The following CABIN1 variants were observed in gnomAD, a reference collection of about 807,000 sequenced individuals.
CABIN1 encodes the protein calcineurin-binding protein cabin-1.
Under a neutral mutation model 227.7 loss-of-function variants are expected in CABIN1, and 133 were observed. The observed-to-expected ratio is 0.58, with a 90% CI of 0.51 to 0.67. CABIN1 has a LOEUF of 0.67. Ranked by LOEUF, CABIN1 falls within the 30% of genes least tolerant of loss-of-function variation. CABIN1 has a pLI of 0.00. For missense variants in CABIN1, 2,408 were observed against 2,852.5 expected, an observed-to-expected ratio of 0.84 and a Z score of 3.55; for synonymous variants, 1,086 against 1,155.1, an observed-to-expected ratio of 0.94 and a Z score of 1.21.
At chr22:24,030,949 A>G (rs932585102) in intron 1 of CABIN1, among the ~76,000 whole-genome samples, 1 of 152,212 alleles carries the variant, frequency 6.6e-6, no homozygotes, top group African/African-American at 2.4e-5. Flanking sequence ...CACACCTGGC[A>G]CCATTCTGGT....
chr22:24,158,128 G>A (rs1421719396), intron 29 of CABIN1, among the ~76,000 whole-genome samples: 2 of 152,240 alleles, frequency 1.3e-5, no homozygotes, highest in African/African-American at 4.8e-5. Context: ...TGCTCACAGT[G>A]TCGTGTTTTC....
intron 34 of CABIN1, among the ~76,000 whole-genome samples, chr22:24,172,904 C>T (rs1259892632): frequency 6.6e-6 from 1 of 152,202 alleles, no homozygotes; most frequent in Non-Finnish European, 1.5e-5. Flanking sequence ...GTTCCCAGGA[C>T]TCTAGGACCA....
At chr22:24,063,192 G>T (rs2039323603) in intron 14 of CABIN1, 46 bp downstream of exon 14, 1 of 1,587,254 alleles carries the variant, frequency 6.3e-7, no homozygotes, top group African/African-American at 1.3e-5. Context: ...CTGACACCCA[G>T]CAGGGTGGGC....
At chr22:24,041,750 A>G (rs186049151) in intron 5 of CABIN1, among the ~76,000 whole-genome samples, 10 of 152,338 alleles carry the variant, frequency 6.6e-5, no homozygotes, top group African/African-American at 1.9e-4. Flanking sequence ...GGGCACCTCT[A>G]AAGCACCAGA....
intron 1 of CABIN1, among the ~76,000 whole-genome samples, chr22:24,016,992 G>C (rs1252649518): frequency 6.8e-6 from 1 of 146,154 alleles, no homozygotes; most frequent in East Asian, 2.0e-4. Context: ...CTGTTCTTTA[G>C]CTTTTTAAAA....
chr22:24,059,262 C>T lies in CABIN1; in HGVS notation c.1298C>T (p.Ser433Phe), dbSNP rs1489114989. The T allele has an allele frequency of 2.5e-6, 4 of 1,614,036 alleles. No individual in the cohort carries two copies. The highest frequency in any genetic ancestry group is 2.2e-5 in the East Asian group (1 of 44,900). ...RKLDPEEEDD[S>F]FNNYEVQSEA... The stretch of plus-strand genomic sequence containing the variant: ...CTGGACCCTGAGGAGGAAGATGATT[C>T]CTTTAATAACTATGAAGTCCAGTCA... Residue 433 changes from serine (S) to phenylalanine (F), a missense_variant, in exon 11 of 37, where the codon TCC becomes TTC. By Grantham distance (155) the Ser-to-Phe change is radical. This residue lies in a region of CABIN1 where 1,045 missense variants were observed against 1,168.4 expected (regional missense o/e 0.89). Coordinates refer to ENST00000263119, the MANE Select transcript of CABIN1 (RefSeq NM_012295.4).
intron 28 of CABIN1, among the ~76,000 whole-genome samples, chr22:24,123,936 GC>G (rs1320337273): frequency 6.6e-6 from 1 of 152,246 alleles, no homozygotes; most frequent in Non-Finnish European, 1.5e-5. Context: ...CCTGCCTGGA[GC>G]TGTGTGGTTG....
At chr22:24,139,258 G>C (rs2044600634) in intron 29 of CABIN1, among the ~76,000 whole-genome samples, 1 of 152,212 alleles carries the variant, frequency 6.6e-6, no homozygotes. Context: ...TACAAAAACA[G>C]ATGTGTCGTG....
chr22:24,127,548 A>T (rs1255393734), intron 28 of CABIN1, among the ~76,000 whole-genome samples: 1 of 152,226 alleles, frequency 6.6e-6, no homozygotes, highest in Non-Finnish European at 1.5e-5. Flanking sequence ...TGGGAAACCT[A>T]GAGGACATAA....
At chr22:24,071,702 C>T (rs561292185) in intron 17 of CABIN1, among the ~76,000 whole-genome samples, 1 of 152,332 alleles carries the variant, frequency 6.6e-6, no homozygotes, top group Admixed American at 6.5e-5. Context: ...CTTTCCAAAA[C>T]AGATATGAAT....
intron 25 of CABIN1, among the ~76,000 whole-genome samples, chr22:24,096,415 A>C (rs528730574): frequency 2.6e-5 from 4 of 152,288 alleles, no homozygotes; most frequent in African/African-American, 9.6e-5. Flanking sequence ...GTAGAAAGTC[A>C]GTTTTTGCTT....
chr22:24,021,171 T>A (rs143936969), intron 1 of CABIN1, among the ~76,000 whole-genome samples: 2,675 of 151,940 alleles, frequency 0.018, 34 homozygotes, highest in Non-Finnish European at 0.028. Flanking sequence ...GGCTAATTTT[T>A]ATTTTATTTA....
intron 28 of CABIN1, among the ~76,000 whole-genome samples, chr22:24,127,383 A>G (rs2043798275): frequency 2.0e-5 from 3 of 152,198 alleles, no homozygotes; most frequent in Non-Finnish European, 4.4e-5. Flanking sequence ...CCCACCCAGT[A>G]GTCAGAGGCC....
At chr22:24,078,490 A>G (rs1217703491) in intron 19 of CABIN1, among the ~76,000 whole-genome samples, 1 of 152,228 alleles carries the variant, frequency 6.6e-6, no homozygotes, top group Non-Finnish European at 1.5e-5. Flanking sequence ...ATTTGAGGCC[A>G]ACATCAGGGA....
intron 26 of CABIN1, among the ~76,000 whole-genome samples, chr22:24,109,221 CTT>C (rs869266886): frequency 3.4e-4 from 45 of 133,166 alleles, no homozygotes; most frequent in Non-Finnish European, 3.3e-4. Context: ...TTATATTTTG[CTT>C]TTTTTTTTTT....
chr22:24,023,455 C>T (rs2035864860), intron 1 of CABIN1, among the ~76,000 whole-genome samples: 1 of 152,188 alleles, frequency 6.6e-6, no homozygotes, highest in African/African-American at 2.4e-5. Context: ...TGAGGAACTA[C>T]TAAACTGTTT....
intron 34 of CABIN1, among the ~76,000 whole-genome samples, chr22:24,174,285 C>T (rs1217852060): frequency 1.3e-5 from 2 of 151,658 alleles, no homozygotes; most frequent in African/African-American, 2.4e-5. Context: ...TGGGCCACTA[C>T]GCCTGGGTAA....
chr22:24,064,024 C>T lies in CABIN1; in HGVS notation c.1885-11C>T, dbSNP rs374649092. 5.6e-5 allele frequency: 91 copies of T among 1,613,934 alleles called. No homozygotes were observed. Among genetic ancestry groups the T allele is most frequent in the Admixed American group, 1.7e-4 (10 of 60,002 alleles). ...TGCTTTGGTTCCCTGACCTGTTTTC[C>T]GTCTAACCAGGGAGACATGGAGCAG... On this transcript the variant is annotated splice_polypyrimidine_tract_variant and intron_variant, in intron 14 of 36. Coordinates refer to ENST00000263119, the MANE Select transcript of CABIN1 (RefSeq NM_012295.4).
intron 26 of CABIN1, among the ~76,000 whole-genome samples, chr22:24,105,524 G>C (rs2042462717): frequency 6.6e-6 from 1 of 152,140 alleles, no homozygotes; most frequent in South Asian, 2.1e-4. Flanking sequence ...CTTCTTTCCT[G>C]TTGGCCTCCA....
Sources: allele counts gnomAD v4.1 joint callset (sites outside exome capture counted in the v4.1 genomes callset), GRCh38; gene constraint gnomAD v4.1.1; regional missense constraint gnomAD v4.1.1; transcripts MANE v1.5; gene names NCBI Gene and HGNC (gene_info 2026-07-23, HGNC 2026-07-21).